Variants in RNF144B observed in about 807,000 individuals in gnomAD.
The protein encoded by RNF144B is ring finger protein 144B.
RNF144B carries 25 observed loss-of-function variants against 40.2 expected under a neutral mutation model. The ratio of observed to expected loss-of-function variants is 0.62; its 90% CI spans 0.45 to 0.87. RNF144B has a LOEUF of 0.87. Among genes scored for constraint, RNF144B ranks in the 40% least tolerant of loss-of-function variants. The pLI is 0.00. For missense variants in RNF144B, 365 were observed against 373.7 expected, an observed-to-expected ratio of 0.98 and a Z score of 0.19; for synonymous variants, 145 against 136.3, an observed-to-expected ratio of 1.06 and a Z score of -0.44.
chr6:18,400,683 A>G lies in RNF144B; in HGVS notation c.165+984A>G, dbSNP rs1299582880. 6.6e-6 allele frequency among the ~76,000 whole-genome samples: 1 copy of G among 152,212 alleles called. No homozygotes were observed. Among genetic ancestry groups the G allele is most frequent in the Non-Finnish European group, 1.5e-5 (1 of 68,038 alleles). On this transcript the variant is annotated intron_variant, in intron 2 of 7. Transcript: ENST00000259939. This position sits in a 1 kb window ranked among gnomAD's most constrained non-coding sequence, Gnocchi z 5.6. ...GAATAGCATTGTTCATTTAATCAAC[A>G]AATATCTGTTGAGCAGGAACTATGT...
chr6:18,397,279 T>G (rs1794712672), intron 1 of RNF144B, among the ~76,000 whole-genome samples: 1 of 152,222 alleles, frequency 6.6e-6, no homozygotes, highest in Non-Finnish European at 1.5e-5. Context: ...TATTGAGACT[T>G]AAGCTATTGT....
chr6:18,423,426 A>T (rs896215974), intron 2 of RNF144B, among the ~76,000 whole-genome samples: 3 of 152,196 alleles, frequency 2.0e-5, no homozygotes, highest in African/African-American at 7.2e-5. Flanking sequence ...GTACGTTTTT[A>T]AAAATATACA....
In RNF144B at chr6:18,446,840, G is replaced by GGTGTGTGTGTGTGTGTGTGT. The variant is rs70974744; in HGVS notation, c.331+7111_331+7130dup. On this transcript the variant is annotated intron_variant, in intron 4 of 7. Transcript: ENST00000259939. The surrounding 1 kb of genome is among the most constrained non-coding windows in gnomAD (Gnocchi z 4.7). ...TAAAGTTTTATTGGTTCTATTTTAGGGTGTGTGTGTGTGTGTGTGTGTGTG... is the reference window on the plus strand; with the variant it reads ...TAAAGTTTTATTGGTTCTATTTTAGGGTGTGTGTGTGTGTGTGTGTGTGTGTGTGTGTGTGTGTGTGTGTG... Among the ~76,000 whole-genome samples, 8 of 148,000 alleles carry GGTGTGTGTGTGTGTGTGTGT rather than the reference G, an allele frequency of 5.4e-5. No homozygotes were observed. The highest frequency in any genetic ancestry group is 2.0e-4 in the African/African-American group (8 of 40,008).
intron 2 of RNF144B, among the ~76,000 whole-genome samples, chr6:18,401,067 G>T (rs1468992129): frequency 2.0e-5 from 3 of 152,160 alleles, no homozygotes; most frequent in Non-Finnish European, 2.9e-5. Flanking sequence ...GCTAATCCTT[G>T]AAACAAATGA....
intron 1 of RNF144B, among the ~76,000 whole-genome samples, chr6:18,392,203 G>A (rs550077580): frequency 2.6e-4 from 39 of 151,830 alleles, no homozygotes; most frequent in Non-Finnish European, 3.8e-4. Flanking sequence ...GCGAGACTCC[G>A]TCTCAAAAAA....
Position 18,433,046 on chromosome 6 carries a change from T to G in RNF144B, c.270+5361T>G, listed in dbSNP as rs530907191. On this transcript the variant is annotated intron_variant, in intron 3 of 7. Coordinates refer to ENST00000259939, the MANE Select transcript of RNF144B (RefSeq NM_182757.4). ...AAATAAATACAGTTTTTACTCAGAT[T>G]GCATATTTAGTTGGGTGGCTTTGGG... Among the ~76,000 whole-genome samples, 3 of 152,290 alleles carry G rather than the reference T, an allele frequency of 2.0e-5. No individual in the cohort carries two copies. In the East Asian group the frequency reaches 5.8e-4, roughly 29 times the overall value.
chr6:18,410,939 C>G lies in RNF144B; in HGVS notation c.165+11240C>G, dbSNP rs1432972427. Among the ~76,000 whole-genome samples the G allele has an allele frequency of 6.6e-6, 1 of 151,914 alleles. No individual in the cohort carries two copies. Among genetic ancestry groups the G allele is most frequent in the African/African-American group, 2.4e-5 (1 of 41,362 alleles). Reference sequence around the variant, plus strand: ...TTTGTGCCCCAATTTCTCTTTTTTCCTATCCATTTGGGATACTGTCAGCTT... The same window carrying G: ...TTTGTGCCCCAATTTCTCTTTTTTCGTATCCATTTGGGATACTGTCAGCTT... On this transcript the variant is annotated intron_variant, in intron 2 of 7. Coordinates refer to ENST00000259939, the MANE Select transcript of RNF144B (RefSeq NM_182757.4). The surrounding 1 kb of genome is among the most constrained non-coding windows in gnomAD (Gnocchi z 4.6).
At chr6:18,387,765 A>T (rs2113445715) in intron 1 of RNF144B, 135 bp downstream of exon 1, 1 of 569,590 alleles carries the variant, frequency 1.8e-6, no homozygotes, top group Admixed American at 3.6e-5. Context: ...CTCAAACCAT[A>T]CAGAACTGAA....
Position 18,444,231 on chromosome 6 carries a change from G to A in RNF144B, c.331+4487G>A, listed in dbSNP as rs1390687935. 1.3e-5 allele frequency among the ~76,000 whole-genome samples: 2 copies of A among 152,148 alleles called. No individual in the cohort carries two copies. The highest frequency in any genetic ancestry group is 2.9e-5 in the Non-Finnish European group (2 of 68,030). ...AAAGAAATACTATCTGATATTGGTT[G>A]GTTATTCTACCCGCTTTCCACCCAT... is the stretch of plus-strand genomic sequence containing the variant. On this transcript the variant is annotated intron_variant, in intron 4 of 7. Coordinates refer to ENST00000259939, the MANE Select transcript of RNF144B (RefSeq NM_182757.4). The surrounding 1 kb of genome is among the most constrained non-coding windows in gnomAD (Gnocchi z 4.3).
chr6:18,421,109 C>G (rs984812768), intron 2 of RNF144B, among the ~76,000 whole-genome samples: 2 of 151,786 alleles, frequency 1.3e-5, no homozygotes, highest in African/African-American at 4.8e-5. Flanking sequence ...ACAAAATAGC[C>G]TGGCATGGTG....
chr6:18,392,270 C>T (rs1176232338), intron 1 of RNF144B, among the ~76,000 whole-genome samples: 3 of 152,022 alleles, frequency 2.0e-5, no homozygotes, highest in South Asian at 2.1e-4. Context: ...CTTATCACAA[C>T]GTCATGTACA....
intron 2 of RNF144B, among the ~76,000 whole-genome samples, chr6:18,417,299 G>A (rs1795162596): frequency 6.6e-6 from 1 of 152,154 alleles, no homozygotes; most frequent in Admixed American, 6.5e-5. Flanking sequence ...CAGAGTTGGA[G>A]AGCTCTATTC....
chr6:18,420,391 TGTGCCAG>T (rs887510364), intron 2 of RNF144B, among the ~76,000 whole-genome samples: 1 of 152,062 alleles, frequency 6.6e-6, no homozygotes, highest in African/African-American at 2.4e-5. Flanking sequence ...GTGTCTACTA[TGTGCCAG>T]GTCCTGTGAT....
chr6:18,407,457 T>G (rs183191217), intron 2 of RNF144B, among the ~76,000 whole-genome samples: 1 of 152,298 alleles, frequency 6.6e-6, no homozygotes, highest in East Asian at 1.9e-4. Flanking sequence ...ATAAATTACT[T>G]AGTACACTGC....
Position 18,467,799 on chromosome 6 carries a change from C to A in RNF144B, c.*2732C>A, listed in dbSNP as rs1474859080. 2.0e-5 allele frequency: 3 copies of A among 152,106 alleles called. No individual in the cohort carries two copies. Among genetic ancestry groups the A allele is most frequent in the Non-Finnish European group, 4.4e-5 (3 of 68,128 alleles). 9.4% of individuals were successfully genotyped at this position (152,106 alleles called of 1,614,324 possible). A position where few individuals can be genotyped will look rare whatever the true frequency, so the allele number is the denominator to read the frequency against. ...GGGACTACAGGCACACACCACCACA[C>A]CTGGCTAAGTTTTGTATTTTTTGTA... is the stretch of plus-strand genomic sequence containing the variant. On this transcript the variant is annotated 3_prime_UTR_variant, in exon 8 of 8. Transcript: ENST00000259939.
rs9477745 is a variant in RNF144B, at chr6:18,441,105, T to C, written c.331+1361T>C. Among the ~76,000 whole-genome samples the C allele has an allele frequency of 0.075, 11,420 of 152,162 alleles. 552 individuals are homozygous for C. The highest frequency in any genetic ancestry group is 0.15 in the East Asian group (801 of 5,176). ...ATGGGGGTAGTTAATATTGACTCTC[T>C]CTAATCCATCCACATGGGCCGATTA... is the stretch of plus-strand genomic sequence containing the variant. On this transcript the variant is annotated intron_variant, in intron 4 of 7. Coordinates refer to ENST00000259939, the MANE Select transcript of RNF144B (RefSeq NM_182757.4). The surrounding 1 kb of genome is among the most constrained non-coding windows in gnomAD (Gnocchi z 4.9).
rs1428645060 is a variant in RNF144B at position 18,410,030 on chromosome 6, CT to C, written c.165+10335del. Reference sequence around the variant, plus strand: ...GATCTGTGCTTGTATGTTGTGTAGACTTTTCCCCCCTTAAGCATGCCTTTGC... The same window carrying C: ...GATCTGTGCTTGTATGTTGTGTAGACTTTCCCCCCTTAAGCATGCCTTTGC... On this transcript the variant is annotated intron_variant, in intron 2 of 7. Coordinates refer to ENST00000259939, the MANE Select transcript of RNF144B (RefSeq NM_182757.4). The surrounding 1 kb of genome is among the most constrained non-coding windows in gnomAD (Gnocchi z 4.6). Among the ~76,000 whole-genome samples the C allele has an allele frequency of 3.9e-5, 6 of 152,060 alleles. No homozygotes were observed. The highest frequency in any genetic ancestry group is 5.9e-5 in the Non-Finnish European group (4 of 68,012).
rs577779140 is a variant in RNF144B, at chr6:18,434,557, T to A, written c.271-5127T>A. On this transcript the variant is annotated intron_variant, in intron 3 of 7. Coordinates refer to ENST00000259939, the MANE Select transcript of RNF144B (RefSeq NM_182757.4). This position sits in a 1 kb window ranked among gnomAD's most constrained non-coding sequence, Gnocchi z 4.1. ...AGGTGTGGTCTGGCTTCCCTGGATA[T>A]GCTCTGCTAGGGATGAAATGGAAAA... 6.6e-6 allele frequency among the ~76,000 whole-genome samples: 1 copy of A among 152,308 alleles called. No individual in the cohort carries two copies. Among genetic ancestry groups the A allele is most frequent in the Admixed American group, 6.5e-5 (1 of 15,302 alleles).
Position 18,458,413 on chromosome 6 carries a change from A to G in RNF144B, c.536+1054A>G, listed in dbSNP as rs1291809242. ...AGAATGTGTAGAACCAGGCTTCATG[A>G]ATAGTAATGCTACTTGGCTACGATG... On this transcript the variant is annotated intron_variant, in intron 5 of 7. Transcript: ENST00000259939. This position sits in a 1 kb window ranked among gnomAD's most constrained non-coding sequence, Gnocchi z 4.8. 6.6e-6 allele frequency among the ~76,000 whole-genome samples: 1 copy of G among 152,166 alleles called. No individual in the cohort carries two copies. The highest frequency in any genetic ancestry group is 1.9e-4 in the East Asian group (1 of 5,192).
Sources: gnomAD v4.1 joint callset for allele counts (sites outside exome capture counted in the v4.1 genomes callset) on GRCh38, gnomAD v4.1.1 for gene constraint, Gnocchi (gnomAD v3.1) non-coding constraint, MANE v1.5 for transcripts, NCBI Gene and HGNC (gene_info 2026-07-23, HGNC 2026-07-21) for gene names.